UHRF2: variants seen among roughly 807,000 people sequenced by gnomAD.
The protein encoded by UHRF2 is E3 ubiquitin-protein ligase UHRF2.
In UHRF2, 23 loss-of-function variants were observed where a neutral mutation model predicts 96.8. The ratio of observed to expected loss-of-function variants is 0.24; its 90% CI spans 0.17 to 0.34. The LOEUF is 0.34. UHRF2 is among the 10% of genes least tolerant of loss of function. The pLI is 1.00. For synonymous variants in UHRF2, 385 were observed against 332.6 expected, an observed-to-expected ratio of 1.16 and a Z score of -1.72; for missense variants, 685 against 981.5, an observed-to-expected ratio of 0.70 and a Z score of 4.04.
rs1364498410 is a variant in UHRF2, at chr9:6,438,759, C to G, written c.644+4586C>G. Among the ~76,000 whole-genome samples the G allele has an allele frequency of 2.6e-5, 4 of 152,142 alleles. 1 individual carries two copies. Among genetic ancestry groups the G allele is most frequent in the Non-Finnish European group, 5.9e-5 (4 of 68,022 alleles). Reference sequence around the variant, plus strand: ...TCTACGTATCTAATAGATTACTAGACCAGATTATCAGTCTTTGAAATGAAG... The same window carrying G: ...TCTACGTATCTAATAGATTACTAGAGCAGATTATCAGTCTTTGAAATGAAG... On this transcript the variant is annotated intron_variant, in intron 3 of 15. Transcript: ENST00000276893.
At chr9:6,427,515 C>T (rs561557801) in intron 2 of UHRF2, among the ~76,000 whole-genome samples, 30 of 152,022 alleles carry the variant, frequency 2.0e-4, no homozygotes, top group African/African-American at 4.8e-4. Context: ...GGTGAAACTC[C>T]GTCTCTACTG....
chr9:6,495,290 G>A (rs1391751513), intron 10 of UHRF2: 1 of 152,114 alleles, frequency 6.6e-6, no homozygotes, highest in East Asian at 1.9e-4. Context: ...TCTATAAAGA[G>A]GAGATAGTGA....
chr9:6,431,663 C>G (rs1820569373), intron 2 of UHRF2, among the ~76,000 whole-genome samples: 2 of 152,056 alleles, frequency 1.3e-5, no homozygotes, highest in Non-Finnish European at 2.9e-5. Flanking sequence ...CTGATATGTT[C>G]TATGTGTTGA....
rs576404056 is a variant in UHRF2, at chr9:6,467,899, G to T, written c.863+7108G>T. On this transcript the variant is annotated intron_variant, in intron 4 of 15. Coordinates refer to ENST00000276893, the MANE Select transcript of UHRF2 (RefSeq NM_152896.3). ...ATTGAAACAAGAATTTTTTCTATCT[G>T]CAAGGTGTGGTTTATTTCTCATTTT... 3.3e-5 allele frequency among the ~76,000 whole-genome samples: 5 copies of T among 152,024 alleles called. No individual in the cohort carries two copies. In the South Asian group the frequency reaches 8.3e-4, roughly 25 times the overall value.
intron 14 of UHRF2, among the ~76,000 whole-genome samples, chr9:6,502,471 A>G (rs530963041): frequency 6.0e-4 from 92 of 152,328 alleles, no homozygotes; most frequent in African/African-American, 2.1e-3. Flanking sequence ...TAAAAAGTCC[A>G]AACAGATGGG....
intron 10 of UHRF2, chr9:6,494,201 GTAATT>G (rs1824836246): frequency 3.1e-6 from 1 of 317,514 alleles, no homozygotes; most frequent in Non-Finnish European, 5.7e-6. Flanking sequence ...AGGAGCCTGT[GTAATT>G]TAAGTGAAAT....
At chr9:6,419,485 A>G (rs968459981) in intron 1 of UHRF2, among the ~76,000 whole-genome samples, 7 of 152,172 alleles carry the variant, frequency 4.6e-5, no homozygotes, top group Non-Finnish European at 1.0e-4. Flanking sequence ...TTGACTTAAA[A>G]AATAAAAACC....
chr9:6,446,069 T>G (rs577051414), intron 3 of UHRF2, among the ~76,000 whole-genome samples: 1 of 144,026 alleles, frequency 6.9e-6, no homozygotes, highest in Non-Finnish European at 1.5e-5. Flanking sequence ...CTCGGCTCAC[T>G]GCTGCCTTGA....
chr9:6,423,911 C>T (rs1325626598), intron 2 of UHRF2, among the ~76,000 whole-genome samples: 1 of 151,808 alleles, frequency 6.6e-6, no homozygotes, highest in Non-Finnish European at 1.5e-5. Context: ...CGCCACTGCA[C>T]TCCAGCCTGG....
chr9:6,502,325 C>A (rs985123490), intron 14 of UHRF2, among the ~76,000 whole-genome samples: 2 of 152,128 alleles, frequency 1.3e-5, no homozygotes, highest in Admixed American at 6.5e-5. Context: ...CCTTTACATA[C>A]ATACTGTTAC....
chr9:6,505,583 C>T (rs1383155079), intron 15 of UHRF2, among the ~76,000 whole-genome samples: 1 of 152,228 alleles, frequency 6.6e-6, no homozygotes, highest in Non-Finnish European at 1.5e-5. Context: ...AGGCATGAGC[C>T]ACCATACCTG....
intron 9 of UHRF2, among the ~76,000 whole-genome samples, chr9:6,490,491 G>A (rs113626350): frequency 0.029 from 4,395 of 152,254 alleles, 114 homozygotes; most frequent in Non-Finnish European, 0.038. Flanking sequence ...ACCCAGGCGT[G>A]GTGATGCATG....
intron 4 of UHRF2, among the ~76,000 whole-genome samples, chr9:6,463,459 C>A (rs1212001981): frequency 6.6e-6 from 1 of 151,054 alleles, no homozygotes; most frequent in African/African-American, 2.4e-5. Flanking sequence ...ACCAGTGTGG[C>A]TTATGGATAG....
chr9:6,496,496 G>GGT (rs1824980115), intron 10 of UHRF2: 1 of 152,130 alleles, frequency 6.6e-6, no homozygotes, highest in African/African-American at 2.4e-5. Flanking sequence ...AGCTAAGTCA[G>GGT]GTACTACTTC....
chr9:6,414,051 AC>A (rs1447463754), intron 1 of UHRF2: 1 of 159,146 alleles, frequency 6.3e-6, no homozygotes, highest in Non-Finnish European at 1.4e-5. Flanking sequence ...GAGCTGGCTA[AC>A]CCGGCTGAGC....
At chr9:6,422,680 GC>G (rs1563742196) in intron 2 of UHRF2, 1 of 630,068 alleles carries the variant, frequency 1.6e-6, no homozygotes, top group Admixed American at 2.3e-5. Flanking sequence ...CGTGAACACG[GC>G]TCGCTGTAGC....
chr9:6,422,090 T>C (rs1320639907), intron 2 of UHRF2, among the ~76,000 whole-genome samples: 1 of 152,226 alleles, frequency 6.6e-6, no homozygotes, highest in Non-Finnish European at 1.5e-5. Context: ...TGTTCAAGAA[T>C]TTCTACCTAG....
intron 6 of UHRF2, among the ~76,000 whole-genome samples, chr9:6,481,047 C>T (rs1823893030): frequency 6.6e-6 from 1 of 152,174 alleles, no homozygotes; most frequent in African/African-American, 2.4e-5. Context: ...ATTCTGTAGA[C>T]GTATACCTTG....
chr9:6,458,921 C>G (rs1407688740), intron 3 of UHRF2, among the ~76,000 whole-genome samples: 2 of 152,154 alleles, frequency 1.3e-5, no homozygotes, highest in African/African-American at 2.4e-5. Flanking sequence ...TTTGCAGGGA[C>G]ATAGATCAAG....
Sources: gnomAD v4.1 joint callset for allele counts (sites outside exome capture counted in the v4.1 genomes callset) on GRCh38, gnomAD v4.1.1 for gene constraint, MANE v1.5 for transcripts, NCBI Gene and HGNC (gene_info 2026-07-23, HGNC 2026-07-21) for gene names.